GRID2: variants seen among roughly 807,000 people sequenced by gnomAD.
GRID2 encodes glutamate ionotropic receptor delta type subunit 2.
A neutral mutation model predicts 114.8 loss-of-function variants in GRID2; 33 were observed. The observed-to-expected ratio is 0.29, with a 90% CI of 0.22 to 0.38. GRID2 has a LOEUF of 0.38. Ranked by LOEUF, GRID2 falls within the 10% of genes least tolerant of loss-of-function variation. The pLI is 1.00. For missense variants in GRID2, 1,184 were observed against 1,257.7 expected, an observed-to-expected ratio of 0.94 and a Z score of 0.89; for synonymous variants, 505 against 449.9, an observed-to-expected ratio of 1.12 and a Z score of -1.55.
chr4:92,592,271 T>C (rs78140039), intron 2 of GRID2, among the ~76,000 whole-genome samples: 1 of 152,012 alleles, frequency 6.6e-6, no homozygotes, highest in Non-Finnish European at 1.5e-5. Context: ...ATATTAATAA[T>C]TGTGAATTAA....
At chr4:92,986,128 A>G (rs950555982) in intron 2 of GRID2, among the ~76,000 whole-genome samples, 8 of 152,198 alleles carry the variant, frequency 5.3e-5, no homozygotes, top group African/African-American at 1.4e-4. Context: ...TGCATTGATC[A>G]GTGTTGATGG....
At chr4:93,194,278 C>T (rs1416137070) in intron 4 of GRID2, among the ~76,000 whole-genome samples, 1 of 152,152 alleles carries the variant, frequency 6.6e-6, no homozygotes, top group Admixed American at 6.5e-5. Flanking sequence ...TAAATAACAT[C>T]ACCACAAATA....
chr4:93,364,899 G>T (rs977292724), intron 8 of GRID2, among the ~76,000 whole-genome samples: 2 of 152,038 alleles, frequency 1.3e-5, no homozygotes, highest in African/African-American at 4.8e-5. Context: ...TTCACTTATT[G>T]TGTAACTTAT....
chr4:93,308,670 T>G (rs2149182399), intron 8 of GRID2, among the ~76,000 whole-genome samples: 1 of 152,324 alleles, frequency 6.6e-6, no homozygotes, highest in South Asian at 2.1e-4. Flanking sequence ...AAAAATAGAA[T>G]AAGTAGTCTG....
chr4:93,367,674 C>A (rs1762472229), intron 8 of GRID2, among the ~76,000 whole-genome samples: 1 of 152,052 alleles, frequency 6.6e-6, no homozygotes, highest in Non-Finnish European at 1.5e-5. Context: ...TGACTTCTAG[C>A]AAAGTACTGG....
chr4:92,929,232 T>G (rs1199974529), intron 2 of GRID2, among the ~76,000 whole-genome samples: 1 of 151,400 alleles, frequency 6.6e-6, no homozygotes, highest in Non-Finnish European at 1.5e-5. Context: ...TATTGTTGCA[T>G]GAATAAAACT....
intron 8 of GRID2, among the ~76,000 whole-genome samples, chr4:93,346,706 A>G (rs1413229800): frequency 6.6e-6 from 1 of 152,116 alleles, no homozygotes; most frequent in Non-Finnish European, 1.5e-5. Context: ...TCAATGTTGC[A>G]TTTTTATCTG....
At chr4:93,620,559 A>G (rs763045665) in intron 13 of GRID2, among the ~76,000 whole-genome samples, 1 of 152,190 alleles carries the variant, frequency 6.6e-6, no homozygotes, top group Non-Finnish European at 1.5e-5. Flanking sequence ...GAACAGGAGC[A>G]TACAGGACAC....
intron 3 of GRID2, among the ~76,000 whole-genome samples, chr4:93,087,669 T>C (rs960644349): frequency 6.6e-6 from 1 of 152,154 alleles, no homozygotes; most frequent in African/African-American, 2.4e-5. Context: ...AATTTTATTT[T>C]TGGGATAAAC....
intron 2 of GRID2, among the ~76,000 whole-genome samples, chr4:92,762,799 T>G (rs1412825036): frequency 6.6e-6 from 1 of 152,224 alleles, no homozygotes; most frequent in Non-Finnish European, 1.5e-5. Context: ...CTTTTTATCC[T>G]GTGATGTTGT....
At chr4:92,740,643 C>T (rs1736826294) in intron 2 of GRID2, among the ~76,000 whole-genome samples, 1 of 151,914 alleles carries the variant, frequency 6.6e-6, no homozygotes, top group South Asian at 2.1e-4. Flanking sequence ...TTTTCTCACT[C>T]ATAATGGTAG....
At chr4:92,875,162 T>G (rs1007602807) in intron 2 of GRID2, among the ~76,000 whole-genome samples, 1 of 144,440 alleles carries the variant, frequency 6.9e-6, no homozygotes, top group African/African-American at 2.6e-5. Context: ...TTTTTTTTTT[T>G]TTTTTTTTTT....
In GRID2 at chr4:92,938,404, A is replaced by T. The variant is rs939155462; in HGVS notation, c.245-146591A>T. Among the ~76,000 whole-genome samples the T allele has an allele frequency of 2.1e-4, 31 of 146,440 alleles. 4 individuals are homozygous for T. The highest frequency in any genetic ancestry group is 4.1e-4 in the Non-Finnish European group (27 of 66,216). ...CTTTCTTTTCCATGCAGTCAATTGA[A>T]ATTCCCTGATAATTATTTTTCATAA... On this transcript the variant is annotated intron_variant, in intron 2 of 15. Coordinates refer to ENST00000282020, the MANE Select transcript of GRID2 (RefSeq NM_001510.4).
At chr4:92,794,955 T>C (rs1344782257) in intron 2 of GRID2, among the ~76,000 whole-genome samples, 1 of 146,244 alleles carries the variant, frequency 6.8e-6, no homozygotes, top group African/African-American at 2.5e-5. Context: ...TAAAGTAACC[T>C]GGAGAAAAGA....
intron 1 of GRID2, among the ~76,000 whole-genome samples, chr4:93,793,832 A>C (rs924516015): frequency 5.3e-5 from 8 of 152,170 alleles, no homozygotes; most frequent in African/African-American, 1.9e-4. Flanking sequence ...TCTTCTTGGC[A>C]TGTTTTTCTC....
chr4:92,879,368 A>G (rs1006752014), intron 2 of GRID2, among the ~76,000 whole-genome samples: 4 of 152,294 alleles, frequency 2.6e-5, no homozygotes, highest in Middle Eastern at 3.4e-3. Context: ...CTGAGAAAGG[A>G]AAAAATGAAA....
At chr4:93,627,900 G>A (rs1192060404) in intron 14 of GRID2, among the ~76,000 whole-genome samples, 1 of 152,176 alleles carries the variant, frequency 6.6e-6, no homozygotes, top group East Asian at 1.9e-4. Context: ...TAGGCTGGAC[G>A]CAGTGGTTCA....
At chr4:93,394,324 A>C (rs1006138327) in intron 8 of GRID2, among the ~76,000 whole-genome samples, 2 of 151,978 alleles carry the variant, frequency 1.3e-5, no homozygotes, top group Non-Finnish European at 2.9e-5. Context: ...TGAAACTAAC[A>C]ATTAGCAGCC....
chr4:93,594,794 C>A (rs1033007750), intron 13 of GRID2, among the ~76,000 whole-genome samples: 1 of 152,140 alleles, frequency 6.6e-6, no homozygotes, highest in Non-Finnish European at 1.5e-5. Flanking sequence ...GCGCAGTATT[C>A]GGGTGGGAGT....
Sources: gnomAD v4.1 joint callset for allele counts (sites outside exome capture counted in the v4.1 genomes callset) on GRCh38, gnomAD v4.1.1 for gene constraint, MANE v1.5 for transcripts, NCBI Gene and HGNC (gene_info 2026-07-23, HGNC 2026-07-21) for gene names.